GRIK2: variants seen among roughly 807,000 people sequenced by gnomAD.
The protein encoded by GRIK2 is glutamate receptor ionotropic, kainate 2.
A neutral mutation model predicts 100.3 loss-of-function variants in GRIK2; 32 were observed. The ratio of observed to expected loss-of-function variants is 0.32; its 90% CI spans 0.24 to 0.43. The LOEUF (loss-of-function observed/expected upper bound fraction) is 0.43. Ranked by LOEUF, GRIK2 falls within the 20% of genes least tolerant of loss-of-function variation. The pLI is 1.00. For synonymous variants in GRIK2, 417 were observed against 389.4 expected (o/e 1.07, Z -0.83); for missense variants, 843 against 1,114.9 (o/e 0.76, Z 3.47).
chr6:101,799,621 T>A (rs751006627), intron 7 of GRIK2, 27 bp from the exon 8 acceptor site: 2 of 1,597,722 alleles, frequency 1.3e-6, no homozygotes, highest in East Asian at 2.2e-5. Flanking sequence ...ATATTGACTA[T>A]AAATTTCCCT....
chr6:102,003,752 T>C (rs2114273144), intron 14 of GRIK2, among the ~76,000 whole-genome samples: 1 of 151,804 alleles, frequency 6.6e-6, no homozygotes, highest in East Asian at 1.9e-4. Flanking sequence ...ACATCTAGAG[T>C]TGCTGTTGTG....
chr6:101,504,574 T>C (rs1773925632), intron 2 of GRIK2, among the ~76,000 whole-genome samples: 1 of 151,716 alleles, frequency 6.6e-6, no homozygotes, highest in South Asian at 2.1e-4. Context: ...ATATATAAAA[T>C]ATGTAATACA....
intron 2 of GRIK2, among the ~76,000 whole-genome samples, chr6:101,557,666 G>T (rs199915396): frequency 1.3e-5 from 2 of 152,058 alleles, no homozygotes; most frequent in Non-Finnish European, 2.9e-5. Context: ...CACAGAAGCC[G>T]CTCTATAAGA....
intron 15 of GRIK2, among the ~76,000 whole-genome samples, chr6:102,052,121 T>C (rs1771230944): frequency 6.6e-6 from 1 of 152,204 alleles, no homozygotes; most frequent in Non-Finnish European, 1.5e-5. Flanking sequence ...ATTTTTCATC[T>C]AGCTGAAATT....
chr6:102,025,010 A>C (rs2114381654), intron 14 of GRIK2, among the ~76,000 whole-genome samples: 1 of 150,948 alleles, frequency 6.6e-6, no homozygotes, highest in Non-Finnish European at 1.5e-5. Context: ...TCCACTGAAA[A>C]ATATCTTGGA....
At chr6:101,787,594 A>G (rs956887538) in intron 7 of GRIK2, among the ~76,000 whole-genome samples, 14 of 152,048 alleles carry the variant, frequency 9.2e-5, no homozygotes, top group Non-Finnish European at 2.1e-4. Flanking sequence ...TAGTGTCCAT[A>G]TATTTGTAGA....
chr6:101,712,936 G>T lies in GRIK2; in HGVS notation c.951+26583G>T, dbSNP rs530076185. 2.0e-3 allele frequency among the ~76,000 whole-genome samples: 303 copies of T among 151,796 alleles called. 1 individual carries two copies. The highest frequency in any genetic ancestry group is 6.7e-3 in the African/African-American group (279 of 41,466). On this transcript the variant is annotated intron_variant, in intron 7 of 16. Transcript: ENST00000369134. Reference sequence around the variant, plus strand: ...CATAAAAAGTAGAGCTCTTCAAAAGGTTAGGCCTATCTCCCTACCAGTATT... The same window carrying T: ...CATAAAAAGTAGAGCTCTTCAAAAGTTTAGGCCTATCTCCCTACCAGTATT...
intron 15 of GRIK2, among the ~76,000 whole-genome samples, chr6:102,043,373 G>T (rs1373437507): frequency 6.6e-6 from 1 of 151,616 alleles, no homozygotes; most frequent in East Asian, 1.9e-4. Context: ...GATTTAAAAA[G>T]ACCCTGTTCC....
chr6:101,588,686 AAAAG>A (rs147170422), intron 2 of GRIK2, among the ~76,000 whole-genome samples: 36,924 of 151,582 alleles, frequency 0.24, 4,643 homozygotes, highest in African/African-American at 0.32. Flanking sequence ...ACACACACAG[AAAAG>A]AAAGAAAGAA....
At chr6:101,621,803 T>C in intron 2 of GRIK2, 146 bp from the exon 3 acceptor site, 1 of 637,696 alleles carries the variant, frequency 1.6e-6, no homozygotes, top group South Asian at 1.9e-5. Context: ...TCTCCCTCTC[T>C]CTCTCTCTTT....
chr6:102,048,223 G>T (rs573720996), intron 15 of GRIK2, among the ~76,000 whole-genome samples: 1 of 151,722 alleles, frequency 6.6e-6, no homozygotes, highest in Non-Finnish European at 1.5e-5. Context: ...ATGCATTAAA[G>T]AATTAAAAGT....
intron 14 of GRIK2, among the ~76,000 whole-genome samples, chr6:101,952,076 G>A (rs952977717): frequency 3.7e-4 from 57 of 152,072 alleles, no homozygotes; most frequent in Admixed American, 2.1e-3. Context: ...CATCCCCTTC[G>A]TTAGCTCTTG....
At chr6:101,533,405 A>G (rs537428525) in intron 2 of GRIK2, among the ~76,000 whole-genome samples, 3 of 94,360 alleles carry the variant, frequency 3.2e-5, no homozygotes, top group East Asian at 2.8e-4. Context: ...GCATTGATGT[A>G]TATCAGAGAA....
chr6:101,656,536 A>G (rs764368247), intron 4 of GRIK2, among the ~76,000 whole-genome samples: 1 of 152,202 alleles, frequency 6.6e-6, no homozygotes, highest in Non-Finnish European at 1.5e-5. Flanking sequence ...TTCAACCTTT[A>G]CCACAAATTT....
intron 15 of GRIK2, among the ~76,000 whole-genome samples, chr6:102,044,022 T>A (rs976247138): frequency 6.6e-6 from 1 of 152,024 alleles, no homozygotes; most frequent in African/African-American, 2.4e-5. Flanking sequence ...CTTCACAGTC[T>A]CAGGTATATC....
At chr6:101,551,323 G>T (rs528569787) in intron 2 of GRIK2, among the ~76,000 whole-genome samples, 68 of 152,172 alleles carry the variant, frequency 4.5e-4, no homozygotes, top group African/African-American at 1.6e-3. Flanking sequence ...GGGGGTGGTG[G>T]TGGTGACTTA....
At chr6:102,065,191 T>C (rs1771956063) in intron 16 of GRIK2, among the ~76,000 whole-genome samples, 1 of 151,280 alleles carries the variant, frequency 6.6e-6, no homozygotes, top group Admixed American at 6.6e-5. Context: ...ATGACGACAA[T>C]GGTGATTTAC....
chr6:101,579,916 C>T (rs1777993405), intron 2 of GRIK2, among the ~76,000 whole-genome samples: 1 of 150,892 alleles, frequency 6.6e-6, no homozygotes, highest in Admixed American at 6.6e-5. Context: ...CTTCTCTGGG[C>T]TTCTACAGTC....
chr6:102,018,606 T>C (rs1474481172), intron 14 of GRIK2, among the ~76,000 whole-genome samples: 8 of 152,002 alleles, frequency 5.3e-5, no homozygotes, highest in Non-Finnish European at 8.8e-5. Flanking sequence ...CCCATTGAGG[T>C]TTCTACTCAT....
Sources: allele counts gnomAD v4.1 joint callset (sites outside exome capture counted in the v4.1 genomes callset), GRCh38; gene constraint gnomAD v4.1.1; transcripts MANE v1.5; gene names NCBI Gene and HGNC (gene_info 2026-07-23, HGNC 2026-07-21).